Variants in DNER observed in about 807,000 individuals in gnomAD.
DNER encodes delta and Notch-like epidermal growth factor-related receptor.
DNER carries 33 observed loss-of-function variants against 78.2 expected under a neutral mutation model. The observed-to-expected ratio is 0.42, with a 90% CI of 0.32 to 0.56. DNER has a LOEUF of 0.56. DNER is among the 20% of genes least tolerant of loss of function. The probability of loss-of-function intolerance (pLI) is 0.11; values close to 1 mark genes in which losing one functional copy is unlikely to be tolerated. For synonymous variants in DNER, 417 were observed against 384.8 expected, an observed-to-expected ratio of 1.08 and a Z score of -0.98; for missense variants, 918 against 975.3, an observed-to-expected ratio of 0.94 and a Z score of 0.78.
chr2:229,681,251 A>T (rs370844589), intron 1 of DNER, among the ~76,000 whole-genome samples: 2 of 152,180 alleles, frequency 1.3e-5, no homozygotes, highest in East Asian at 3.8e-4. Flanking sequence ...ATATAAGAAG[A>T]AGCTGAGCTA....
chr2:229,670,127 CATGGTTATTTGTGGACAGAAAA>C (rs760640312), intron 1 of DNER, among the ~76,000 whole-genome samples: 63 of 152,202 alleles, frequency 4.1e-4, no homozygotes, highest in Non-Finnish European at 7.9e-4. Context: ...ATCAGGAAAT[CATGGTTATTTGTGGACAGAAAA>C]AACTGAGGTC....
intron 4 of DNER, 74 bp downstream of exon 4, chr2:229,585,784 C>T (rs1697484075): frequency 6.5e-7 from 1 of 1,535,086 alleles, no homozygotes; most frequent in East Asian, 2.3e-5. Context: ...AAATTCCCTA[C>T]CTACTGTCTC....
intron 1 of DNER, among the ~76,000 whole-genome samples, chr2:229,594,041 C>A (rs767202869): frequency 1.4e-4 from 22 of 152,226 alleles, no homozygotes; most frequent in Non-Finnish European, 2.8e-4. Context: ...CCACAGCCCA[C>A]ATCTGACAAC....
chr2:229,578,300 GC>G (rs1484473976), intron 4 of DNER, among the ~76,000 whole-genome samples: 1 of 152,116 alleles, frequency 6.6e-6, no homozygotes, highest in Admixed American at 6.5e-5. Context: ...GCTCCACATG[GC>G]CAGGAAGCAG....
chr2:229,669,336 G>T (rs891387115), intron 1 of DNER, among the ~76,000 whole-genome samples: 4 of 149,322 alleles, frequency 2.7e-5, no homozygotes, highest in African/African-American at 1.0e-4. Context: ...TGCACGTTCC[G>T]CACATGTATC....
At chr2:229,427,469 C>T (rs539028844) in intron 8 of DNER, among the ~76,000 whole-genome samples, 58 of 152,202 alleles carry the variant, frequency 3.8e-4, no homozygotes, top group African/African-American at 1.1e-3. Flanking sequence ...TTTACTGGGG[C>T]GCTTATGAGG....
At chr2:229,365,835 A>G (rs1338789829) in intron 12 of DNER, among the ~76,000 whole-genome samples, 9 of 152,246 alleles carry the variant, frequency 5.9e-5, no homozygotes, top group Non-Finnish European at 1.2e-4. Flanking sequence ...CACCAAGCTC[A>G]GCCCACTTTT....
intron 1 of DNER, among the ~76,000 whole-genome samples, chr2:229,613,406 A>G (rs1019209118): frequency 5.3e-5 from 8 of 152,248 alleles, no homozygotes; most frequent in African/African-American, 1.7e-4. Context: ...TACTCAATGC[A>G]TTGCGTAGAA....
chr2:229,456,525 C>T (rs938059898), intron 7 of DNER, among the ~76,000 whole-genome samples: 5 of 151,816 alleles, frequency 3.3e-5, no homozygotes, highest in Admixed American at 6.6e-5. Context: ...TCCTAACATC[C>T]ATCTCTCCAC....
rs185135651 is a variant in DNER at position 229,393,476 on chromosome 2, G to T, written c.1724-5080C>A. Among the ~76,000 whole-genome samples the T allele has an allele frequency of 4.1e-3, 617 of 151,952 alleles. 4 individuals carry two copies. Among genetic ancestry groups the T allele is most frequent in the Middle Eastern group, 6.8e-3 (2 of 292 alleles). Reference sequence around the variant, plus strand: ...AAATAGTAGATTAGACACTGCAGAAGAAAATATTAGTAAAGTTGAAAACAG... The same window carrying T: ...AAATAGTAGATTAGACACTGCAGAATAAAATATTAGTAAAGTTGAAAACAG... On this transcript the variant is annotated intron_variant, in intron 10 of 12. Coordinates refer to ENST00000341772, the MANE Select transcript of DNER (RefSeq NM_139072.4).
chr2:229,363,729 C>T (rs1263073371), intron 12 of DNER, among the ~76,000 whole-genome samples: 2 of 152,160 alleles, frequency 1.3e-5, no homozygotes, highest in Non-Finnish European at 2.9e-5. Context: ...TAAATATCTT[C>T]CCCATGGGCC....
intron 4 of DNER, among the ~76,000 whole-genome samples, chr2:229,582,470 C>T (rs1697417397): frequency 6.6e-6 from 1 of 151,656 alleles, no homozygotes; most frequent in Non-Finnish European, 1.5e-5. Context: ...CTTACAAAGC[C>T]ACATAAAAGA....
chr2:229,624,379 G>A (rs1698301561), intron 1 of DNER, among the ~76,000 whole-genome samples: 1 of 152,008 alleles, frequency 6.6e-6, no homozygotes. Context: ...TCTGCAGCAA[G>A]ACACCTACTA....
chr2:229,475,880 A>G (rs896145982), intron 7 of DNER, among the ~76,000 whole-genome samples: 1 of 152,174 alleles, frequency 6.6e-6, no homozygotes, highest in Admixed American at 6.5e-5. Context: ...CTAAACGACA[A>G]GGCCTTCAAT....
chr2:229,687,959 A>G (rs1699513736), intron 1 of DNER, among the ~76,000 whole-genome samples: 1 of 152,218 alleles, frequency 6.6e-6, no homozygotes, highest in Non-Finnish European at 1.5e-5. Context: ...TTGGCCAGCA[A>G]GTGTTTGGCA....
At chr2:229,543,795 A>G (rs1458329293) in intron 5 of DNER, among the ~76,000 whole-genome samples, 1 of 152,198 alleles carries the variant, frequency 6.6e-6, no homozygotes, top group Admixed American at 6.5e-5. Context: ...CATATGAAAA[A>G]GAAATTATAT....
At chr2:229,467,352 G>A (rs1694826925) in intron 7 of DNER, among the ~76,000 whole-genome samples, 1 of 152,162 alleles carries the variant, frequency 6.6e-6, no homozygotes, top group Non-Finnish European at 1.5e-5. Flanking sequence ...CACAGGAGAT[G>A]AAATTAGATT....
intron 1 of DNER, among the ~76,000 whole-genome samples, chr2:229,623,419 T>G (rs748275832): frequency 5.3e-5 from 8 of 152,154 alleles, no homozygotes; most frequent in Admixed American, 1.3e-4. Context: ...GGAAGGAGCC[T>G]TTCCAAGTCT....
chr2:229,524,585 C>T (rs1418786943), intron 5 of DNER, among the ~76,000 whole-genome samples: 1 of 152,154 alleles, frequency 6.6e-6, no homozygotes, highest in Non-Finnish European at 1.5e-5. Context: ...ATTCATGAAC[C>T]AGGCTGTATG....
Sources: allele counts gnomAD v4.1 joint callset (sites outside exome capture counted in the v4.1 genomes callset), GRCh38; gene constraint gnomAD v4.1.1; transcripts MANE v1.5; gene names NCBI Gene and HGNC (gene_info 2026-07-23, HGNC 2026-07-21).